Variants in ZNF804B observed in about 807,000 individuals in gnomAD.
ZNF804B encodes zinc finger 804B.
Under a neutral mutation model 101.4 loss-of-function variants are expected in ZNF804B, and 80 were observed. The observed-to-expected ratio is 0.79, with a 90% confidence interval of 0.66 to 0.95. The LOEUF is 0.95. Ranked by LOEUF, ZNF804B falls within the 40% of genes least tolerant of loss-of-function variation. The pLI is 0.00. For missense variants in ZNF804B, 1,673 were observed against 1,561.9 expected, an observed-to-expected ratio of 1.07 and a Z score of -1.20; for synonymous variants, 622 against 558.8, an observed-to-expected ratio of 1.11 and a Z score of -1.59.
intron 2 of ZNF804B, among the ~76,000 whole-genome samples, chr7:89,231,001 TGAGATACAA>T (rs1345459289): frequency 6.6e-6 from 1 of 152,100 alleles, no homozygotes; most frequent in Admixed American, 6.5e-5. Context: ...AAATCCTTTA[TGAGATACAA>T]GGTGTATAAA....
chr7:89,326,481 GAAAATAATTTC>G (rs951228954), intron 2 of ZNF804B, among the ~76,000 whole-genome samples: 10 of 152,178 alleles, frequency 6.6e-5, no homozygotes, highest in African/African-American at 2.4e-4. Context: ...TATGGGAAGT[GAAAATAATTTC>G]AACAGATACA....
At position 89,149,521 on chromosome 7, in the gene ZNF804B, G is replaced by A. The variant is rs143014727; in HGVS notation, c.109-68634G>A. 3.2e-3 allele frequency among the ~76,000 whole-genome samples: 493 copies of A among 152,064 alleles called. 5 individuals are homozygous for A. Among genetic ancestry groups the A allele is most frequent in the African/African-American group, 0.011 (469 of 41,516 alleles). On this transcript the variant is annotated intron_variant, in intron 1 of 3. Coordinates refer to ENST00000333190, the MANE Select transcript of ZNF804B (RefSeq NM_181646.5). ...TGAAAGTAATTAATTGATACATAGT[G>A]AATTAATATGCACAGGCAGTTTTAT...
At chr7:89,279,700 G>A (rs1477683746) in intron 2 of ZNF804B, among the ~76,000 whole-genome samples, 1 of 152,116 alleles carries the variant, frequency 6.6e-6, no homozygotes, top group Non-Finnish European at 1.5e-5. Context: ...CAGGGATGAA[G>A]CCCACTTGAT....
chr7:89,277,910 A>T (rs1166827067), intron 2 of ZNF804B, among the ~76,000 whole-genome samples: 1 of 152,100 alleles, frequency 6.6e-6, no homozygotes, highest in African/African-American at 2.4e-5. Context: ...TTCTAGGTCC[A>T]TGAAGAGTCG....
intron 1 of ZNF804B, among the ~76,000 whole-genome samples, chr7:89,023,108 A>G (rs1192919176): frequency 6.6e-6 from 1 of 152,220 alleles, no homozygotes; most frequent in Non-Finnish European, 1.5e-5. Context: ...GTTTCTTCAT[A>G]TATTAGTAAT....
chr7:88,958,908 A>G (rs1386439021), intron 1 of ZNF804B, among the ~76,000 whole-genome samples: 1 of 151,488 alleles, frequency 6.6e-6, no homozygotes, highest in African/African-American at 2.4e-5. Flanking sequence ...TTGTCTTCCC[A>G]CTAAGGAATT....
intron 2 of ZNF804B, among the ~76,000 whole-genome samples, chr7:89,240,889 A>C (rs1280003932): frequency 2.0e-5 from 3 of 152,122 alleles, no homozygotes; most frequent in Admixed American, 2.0e-4. Context: ...TTTAAAAGAC[A>C]CAATAGGCTC....
intron 2 of ZNF804B, among the ~76,000 whole-genome samples, chr7:89,323,260 G>A (rs958033388): frequency 6.6e-6 from 1 of 152,224 alleles, no homozygotes; most frequent in Non-Finnish European, 1.5e-5. Flanking sequence ...AAGCCACCCA[G>A]TCTGTGGTAT....
At chr7:89,244,531 C>T (rs554656790) in intron 2 of ZNF804B, among the ~76,000 whole-genome samples, 51 of 151,908 alleles carry the variant, frequency 3.4e-4, no homozygotes, top group African/African-American at 1.2e-3. Flanking sequence ...TATGCAAAAT[C>T]GAAAATAATA....
intron 1 of ZNF804B, among the ~76,000 whole-genome samples, chr7:89,146,209 T>A (rs1309297633): frequency 6.6e-6 from 1 of 152,080 alleles, no homozygotes; most frequent in Non-Finnish European, 1.5e-5. Flanking sequence ...CAATGAACAT[T>A]TATAAGTAAT....
chr7:89,306,590 C>T (rs955564023), intron 2 of ZNF804B, among the ~76,000 whole-genome samples: 1 of 152,024 alleles, frequency 6.6e-6, no homozygotes, highest in African/African-American at 2.4e-5. Context: ...TACTTTAGCA[C>T]TGAGTTTGAT....
intron 1 of ZNF804B, among the ~76,000 whole-genome samples, chr7:89,146,646 G>T (rs964815385): frequency 2.0e-5 from 3 of 151,962 alleles, no homozygotes; most frequent in African/African-American, 7.2e-5. Context: ...CAGAATAACT[G>T]TAAATGAGAT....
intron 2 of ZNF804B, among the ~76,000 whole-genome samples, chr7:89,233,987 C>T (rs1027884031): frequency 6.6e-6 from 1 of 152,172 alleles, no homozygotes; most frequent in African/African-American, 2.4e-5. Context: ...TTAGCATTTT[C>T]CACAATGGAG....
At chr7:88,826,261 T>C (rs1447788206) in intron 1 of ZNF804B, among the ~76,000 whole-genome samples, 2 of 152,152 alleles carry the variant, frequency 1.3e-5, no homozygotes, top group Non-Finnish European at 2.9e-5. Flanking sequence ...TCCACAACAT[T>C]TCAAAACCTT....
chr7:89,010,968 T>G (rs758850343), intron 1 of ZNF804B, among the ~76,000 whole-genome samples: 1 of 152,338 alleles, frequency 6.6e-6, no homozygotes, highest in Non-Finnish European at 1.5e-5. Flanking sequence ...AATAAAATTA[T>G]GTATTAGTCC....
chr7:89,010,239 C>A (rs1281908254), intron 1 of ZNF804B, among the ~76,000 whole-genome samples: 1 of 152,084 alleles, frequency 6.6e-6, no homozygotes, highest in Admixed American at 6.6e-5. Context: ...ATAACTGACA[C>A]TCAGAGAAGT....
At chr7:88,944,523 G>T (rs1382788024) in intron 1 of ZNF804B, among the ~76,000 whole-genome samples, 1 of 151,466 alleles carries the variant, frequency 6.6e-6, no homozygotes, top group Non-Finnish European at 1.5e-5. Flanking sequence ...GTAGCCATGG[G>T]TTCTGCATCT....
At chr7:89,182,793 AG>A (rs1788316980) in intron 1 of ZNF804B, among the ~76,000 whole-genome samples, 1 of 152,176 alleles carries the variant, frequency 6.6e-6, no homozygotes, top group Non-Finnish European at 1.5e-5. Flanking sequence ...GCTTCTGCAC[AG>A]GATTGTACTT....
intron 1 of ZNF804B, among the ~76,000 whole-genome samples, chr7:88,929,863 A>T (rs948599325): frequency 6.6e-6 from 1 of 151,982 alleles, no homozygotes; most frequent in South Asian, 2.1e-4. Context: ...TGTAAATATC[A>T]TAAACTATTT....
Sources: gnomAD v4.1 joint callset for allele counts (sites outside exome capture counted in the v4.1 genomes callset) on GRCh38, gnomAD v4.1.1 for gene constraint, MANE v1.5 for transcripts, NCBI Gene and HGNC (gene_info 2026-07-23, HGNC 2026-07-21) for gene names.